Variants in RPS6KC1 observed in about 807,000 individuals in gnomAD.
RPS6KC1 encodes the protein ribosomal protein S6 kinase C1.
RPS6KC1 carries 54 observed loss-of-function variants against 103.8 expected under a neutral mutation model. The ratio of observed to expected loss-of-function variants is 0.52; its 90% CI spans 0.42 to 0.65. The LOEUF (loss-of-function observed/expected upper bound fraction) is 0.65. RPS6KC1 is among the 30% of genes least tolerant of loss of function. The pLI, the probability that RPS6KC1 is intolerant of heterozygous loss-of-function variation, is 0.00. For missense variants in RPS6KC1, 1,151 were observed against 1,253.8 expected, an observed-to-expected ratio of 0.92 and a Z score of 1.24; for synonymous variants, 439 against 438.7, an observed-to-expected ratio of 1.00 and a Z score of -0.01.
At chr1:213,748,189 C>T in the RPS6KC1 span, among the ~76,000 whole-genome samples, 1 of 152,194 alleles carries the variant, frequency 6.6e-6, no homozygotes, top group Admixed American at 6.5e-5. Flanking sequence ...CTCCCCTGCA[C>T]TTCTTCCCCT....
intron 14 of RPS6KC1, among the ~76,000 whole-genome samples, chr1:213,265,015 T>C (rs996933627): frequency 1.3e-5 from 2 of 152,222 alleles, no homozygotes; most frequent in Non-Finnish European, 2.9e-5. Context: ...TAGTTAATTA[T>C]GACACAGTTG....
the RPS6KC1 span, among the ~76,000 whole-genome samples, chr1:213,375,467 G>A: frequency 1.3e-5 from 2 of 152,194 alleles, no homozygotes; most frequent in Non-Finnish European, 2.9e-5. Flanking sequence ...CTGAATGCCA[G>A]ATAATAAAAG....
chr1:213,172,651 G>A (rs2091563388), intron 7 of RPS6KC1, among the ~76,000 whole-genome samples: 1 of 152,112 alleles, frequency 6.6e-6, no homozygotes, highest in Non-Finnish European at 1.5e-5. Context: ...TCTAATCCAT[G>A]CGTAGTGGCT....
At position 213,077,789 on chromosome 1, in the gene RPS6KC1, C is replaced by A; in HGVS notation, c.235C>A (p.Pro79Thr). ...KNLFRHSELF[P>T]PFAKGIVFGR... ...CTTATTCCGACATTCAGAGTTGTTTCCTCCATTTGCTAAAGGAATAGTGTT... is the reference window on the plus strand; with the variant it reads ...CTTATTCCGACATTCAGAGTTGTTTACTCCATTTGCTAAAGGAATAGTGTT... Residue 79 changes from proline to threonine, a missense_variant, in exon 3 of 15, where the codon CCT (proline) becomes ACT (threonine). Pro to Thr is a conservative substitution (Grantham distance 38, BLOSUM62 -1). Transcript: ENST00000366960. 3 of 1,560,506 alleles carry A rather than the reference C, an allele frequency of 1.9e-6. No individual in the cohort carries two copies. Among genetic ancestry groups the A allele is most frequent in the Non-Finnish European group, 2.6e-6 (3 of 1,147,902 alleles).
chr1:213,654,875 C>T, the RPS6KC1 span, among the ~76,000 whole-genome samples: 5 of 152,170 alleles, frequency 3.3e-5, no homozygotes, highest in East Asian at 1.9e-4. Flanking sequence ...TTGATGTTCA[C>T]GTCGACTTCA....
At chr1:213,137,799 ATTTTT>A (rs869154560) in intron 6 of RPS6KC1, among the ~76,000 whole-genome samples, 142 of 13,896 alleles carry the variant, frequency 0.01, no homozygotes, top group African/African-American at 0.019. Flanking sequence ...ATATATATAT[ATTTTT>A]TTTTTTTTTT....
the RPS6KC1 span, among the ~76,000 whole-genome samples, chr1:213,816,410 GA>G: frequency 6.6e-6 from 1 of 152,052 alleles, no homozygotes; most frequent in Non-Finnish European, 1.5e-5. Flanking sequence ...ACTGTGTTTC[GA>G]AGACCACCAA....
At chr1:213,759,609 C>G in the RPS6KC1 span, among the ~76,000 whole-genome samples, 979 of 152,324 alleles carry the variant, frequency 6.4e-3, 7 homozygotes, top group African/African-American at 0.022. Flanking sequence ...TAAACCCTGT[C>G]TGGTAAGTGC....
At chr1:213,862,168 G>C in the RPS6KC1 span, among the ~76,000 whole-genome samples, 1 of 152,184 alleles carries the variant, frequency 6.6e-6, no homozygotes, top group African/African-American at 2.4e-5. Flanking sequence ...ATGCTACGTA[G>C]TCCTAATAAG....
intron 8 of RPS6KC1, among the ~76,000 whole-genome samples, chr1:213,200,731 G>A (rs375797620): frequency 1.3e-5 from 2 of 152,094 alleles, no homozygotes; most frequent in African/African-American, 2.4e-5. Flanking sequence ...TGCATCCAAC[G>A]AAGGTCTAAT....
the RPS6KC1 span, among the ~76,000 whole-genome samples, chr1:213,705,584 C>A: frequency 6.6e-6 from 1 of 152,226 alleles, no homozygotes; most frequent in East Asian, 1.9e-4. Flanking sequence ...CTGGAATCAC[C>A]TATATCCCCG....
intron 2 of RPS6KC1, chr1:213,072,924 C>T: frequency 1.0e-6 from 1 of 981,870 alleles, no homozygotes. Flanking sequence ...TTTCTTAGTC[C>T]TTTTTTCGGG....
the RPS6KC1 span, among the ~76,000 whole-genome samples, chr1:213,386,117 C>T: frequency 6.6e-6 from 1 of 152,100 alleles, no homozygotes; most frequent in Non-Finnish European, 1.5e-5. Flanking sequence ...GGAGGGAGTT[C>T]TCACTCCAGT....
the RPS6KC1 span, among the ~76,000 whole-genome samples, chr1:213,512,825 C>T: frequency 6.6e-6 from 1 of 152,130 alleles, no homozygotes; most frequent in African/African-American, 2.4e-5. Flanking sequence ...ACCCAGCTAC[C>T]CTGCCAAGAC....
chr1:213,105,216 G>GT (rs79795539), intron 4 of RPS6KC1, among the ~76,000 whole-genome samples: 17,357 of 131,052 alleles, frequency 0.13, 1,404 homozygotes, highest in East Asian at 0.34. Flanking sequence ...TTCATTTTAA[G>GT]TTTTTTTTTT....
chr1:213,518,363 GA>G, the RPS6KC1 span, among the ~76,000 whole-genome samples: 1 of 152,320 alleles, frequency 6.6e-6, no homozygotes, highest in South Asian at 2.1e-4. Flanking sequence ...ATAAGAGACA[GA>G]AGGGAAGACA....
chr1:213,645,601 G>A, the RPS6KC1 span, among the ~76,000 whole-genome samples: 1 of 152,118 alleles, frequency 6.6e-6, no homozygotes, highest in Non-Finnish European at 1.5e-5. Flanking sequence ...ACCTCTCCTG[G>A]ATTATATATG....
chr1:213,077,299 C>T (rs1293706499), intron 2 of RPS6KC1, among the ~76,000 whole-genome samples: 1 of 152,078 alleles, frequency 6.6e-6, no homozygotes, highest in African/African-American at 2.4e-5. Flanking sequence ...CATTTGCAGG[C>T]CAATTGTAAT....
the RPS6KC1 span, among the ~76,000 whole-genome samples, chr1:213,785,299 A>G: frequency 6.6e-6 from 1 of 152,120 alleles, no homozygotes; most frequent in Non-Finnish European, 1.5e-5. Context: ...GTTCCTGGAC[A>G]CCTCACAGAC....
Sources: gnomAD v4.1 joint callset for allele counts (sites outside exome capture counted in the v4.1 genomes callset) on GRCh38, gnomAD v4.1.1 for gene constraint, MANE v1.5 for transcripts, NCBI Gene and HGNC (gene_info 2026-07-23, HGNC 2026-07-21) for gene names.